Variants in HTT observed in about 807,000 individuals in gnomAD.
HTT encodes the protein huntingtin.
In HTT, 104 loss-of-function variants were observed where a neutral mutation model predicts 362.3. The observed-to-expected ratio is 0.29, with a 90% CI of 0.24 to 0.34. The LOEUF is 0.34. Ranked by LOEUF, HTT falls within the 10% of genes least tolerant of loss-of-function variation. HTT has a pLI of 1.00. For missense variants in HTT, 3,301 were observed against 3,928.6 expected (o/e 0.84, Z 4.27); for synonymous variants, 1,577 against 1,548.7 (o/e 1.02, Z -0.43).
intron 49 of HTT, 75 bp from the exon 50 acceptor site, chr4:3,213,883 A>G: frequency 2.2e-6 from 3 of 1,376,422 alleles, no homozygotes; most frequent in Non-Finnish European, 1.9e-6. Flanking sequence ...GGACGGTTCC[A>G]CAACTGTGAT....
chr4:3,164,704 T>A (rs1209958179), intron 29 of HTT, among the ~76,000 whole-genome samples: 1 of 152,206 alleles, frequency 6.6e-6, no homozygotes, highest in Non-Finnish European at 1.5e-5. Flanking sequence ...TGAACTTTGT[T>A]GATTTAAAGT....
chr4:3,212,773 G>A (rs1720226284), intron 49 of HTT, 64 bp downstream of exon 49: 2 of 1,546,998 alleles, frequency 1.3e-6, no homozygotes, highest in African/African-American at 1.4e-5. Context: ...ACACTGAAGA[G>A]GGTAAAGCAG....
In HTT at chr4:3,240,211, G is replaced by A. The variant is rs1403108523; in HGVS notation, c.*152G>A. On this transcript the variant is annotated 3_prime_UTR_variant, in exon 67 of 67. Coordinates refer to ENST00000355072, the MANE Select transcript of HTT (RefSeq NM_001388492.1). ...CAGGCAACGTGCGTGTCTCTGCCAT[G>A]TGGCAGAAGTGCTCTTTGTGGCAGT... 1 of 643,220 alleles carries A rather than the reference G, an allele frequency of 1.6e-6. No individual in the cohort carries two copies. The highest frequency in any genetic ancestry group is 1.9e-5 in the South Asian group (1 of 52,718). 39.8% of individuals were successfully genotyped at this position (643,220 alleles called of 1,614,324 possible).
At chr4:3,139,307 C>T (rs2110196868) in intron 21 of HTT, among the ~76,000 whole-genome samples, 1 of 152,296 alleles carries the variant, frequency 6.6e-6, no homozygotes, top group Middle Eastern at 3.4e-3. Flanking sequence ...AAGCGATTTT[C>T]CTGCCTCAGC....
chr4:3,233,942 G>A (rs1382675728), intron 61 of HTT, among the ~76,000 whole-genome samples: 1 of 152,238 alleles, frequency 6.6e-6, no homozygotes, highest in African/African-American at 2.4e-5. Flanking sequence ...CTTTAGCAGA[G>A]ATGGGCCCAG....
At chr4:3,188,800 C>T (rs537654349) in intron 39 of HTT, 151 bp from the exon 40 acceptor site, 17 of 681,516 alleles carry the variant, frequency 2.5e-5, no homozygotes, top group South Asian at 1.2e-4. Flanking sequence ...ACTGTGTCCA[C>T]GGCGACGGCG....
At chr4:3,211,837 C>A in intron 47 of HTT, 92 bp from the exon 48 acceptor site, 2 of 911,058 alleles carry the variant, frequency 2.2e-6, no homozygotes, top group Non-Finnish European at 3.5e-6. Context: ...GAAACATTTG[C>A]CTTATTCTTT....
At chr4:3,150,480 A>G (rs1392698498) in intron 26 of HTT, among the ~76,000 whole-genome samples, 2 of 152,074 alleles carry the variant, frequency 1.3e-5, no homozygotes, top group African/African-American at 2.4e-5. Flanking sequence ...ACACTTACAT[A>G]TAGCTGATTT....
At position 3,217,862 on chromosome 4, in the gene HTT, G is replaced by A; in HGVS notation, c.7152G>A (p.Val2384=). ...LALGHKRNSG[V]PAFLTPLLRN... is the part of the protein sequence containing the mutation. ...TGGGTCATAAAAGGAATAGCGGCGTGCCGGCGTTTCTCACGCCATTGCTAA... is the reference window on the plus strand; with the variant it reads ...TGGGTCATAAAAGGAATAGCGGCGTACCGGCGTTTCTCACGCCATTGCTAA... The change falls in exon 52 of 67, where the codon GTG becomes GTA. Residue 2384 remains valine, a synonymous_variant. Transcript: ENST00000355072. 6.2e-7 allele frequency: 1 copy of A among 1,614,162 alleles called. No homozygotes were observed. Among genetic ancestry groups the A allele is most frequent in the South Asian group, 1.1e-5 (1 of 91,076 alleles).
At position 3,136,012 on chromosome 4, in the gene HTT, G is replaced by A. The variant is rs1390283496; in HGVS notation, c.2697+45G>A. On this transcript the variant is annotated intron_variant, in intron 20 of 66. Coordinates refer to ENST00000355072, the MANE Select transcript of HTT (RefSeq NM_001388492.1). ...GAGATGCTGTTTTACCTTCAAGAAG[G>A]TGAAAGTGAGGCTTTCCTTGTGGAA... 2.9e-6 allele frequency: 4 copies of A among 1,364,990 alleles called. No homozygotes were observed. In the East Asian group the frequency reaches 9.4e-5, roughly 32 times the overall value. The allele number at this position is 1,364,990 out of a possible 1,614,324, so 84.6% of individuals were successfully genotyped here. A position where few individuals can be genotyped will look rare whatever the true frequency, so the allele number is the denominator to read the frequency against.
chr4:3,235,346 T>C lies in HTT; in HGVS notation c.8519T>C (p.Ile2840Thr). ...LVMCATAFYL[I>T]ENYPLDVGPE... ...ATGTGTGCCACTGCGTTTTACCTCA[T>C]TGAGAACTATCCTCTGGACGTAGGG... Residue 2840 changes from isoleucine to threonine, a missense_variant, in exon 62 of 67, where the codon ATT becomes ACT. This residue lies in a region of HTT where 753 missense variants were observed against 1,021.3 expected (regional missense o/e 0.74). Transcript: ENST00000355072. 6.2e-7 allele frequency: 1 copy of C among 1,614,034 alleles called. No homozygotes were observed. The highest frequency in any genetic ancestry group is 1.1e-5 in the South Asian group (1 of 91,086).
rs1215569839 is a variant in HTT, at chr4:3,085,286, C to T, written c.264-1653C>T. Among the ~76,000 whole-genome samples, 11 of 152,014 alleles carry T rather than the reference C, an allele frequency of 7.2e-5. No homozygotes were observed. In the South Asian group the frequency reaches 8.3e-4, roughly 11 times the overall value. ...CCGAGTAGCTGGGATTATAGGCGCC[C>T]GCCACCACGCCCAACTATTTTTTGT... On this transcript the variant is annotated intron_variant, in intron 1 of 66. Transcript: ENST00000355072.
intron 3 of HTT, 32 bp from the exon 4 acceptor site, chr4:3,103,792 G>T (rs1560548406): frequency 7.0e-7 from 1 of 1,429,404 alleles, no homozygotes; most frequent in South Asian, 1.2e-5. Flanking sequence ...GATGGGATGT[G>T]TCTTCCATAA....
At chr4:3,210,095 C>T (rs1009852244) in intron 47 of HTT, 146 bp downstream of exon 47, 1 of 994,802 alleles carries the variant, frequency 1.0e-6, no homozygotes, top group Non-Finnish European at 1.5e-6. Context: ...GGAGAGACTC[C>T]ACTCTGAATG....
chr4:3,170,937 C>T (rs1333378789), intron 29 of HTT, among the ~76,000 whole-genome samples: 1 of 152,136 alleles, frequency 6.6e-6, no homozygotes, highest in African/African-American at 2.4e-5. Context: ...GTAGCAGAGC[C>T]CTGGTTCCCT....
intron 1 of HTT, 130 bp downstream of exon 1, chr4:3,075,218 C>T: frequency 1.1e-6 from 1 of 939,546 alleles, no homozygotes; most frequent in Non-Finnish European, 1.4e-6. Flanking sequence ...GACCCAGCAA[C>T]CCAGAGCCCA....
Position 3,074,706 on chromosome 4 carries a change from C to T in HTT, c.-120C>T, listed in dbSNP as rs1305375361. On this transcript the variant is annotated 5_prime_UTR_variant, in exon 1 of 67. In the 5' UTR this introduces an upstream ATG that the reference lacks. Transcript: ENST00000355072. ...GCTGCCGGGACGGGTCCAAGATGGA[C>T]GGCCGCTCAGGTTCTGCTTTTACCT... 8 of 1,086,336 alleles carry T rather than the reference C, an allele frequency of 7.4e-6. No homozygotes were observed. In the South Asian group the frequency reaches 1.1e-4, roughly 14 times the overall value. The allele number at this position is 1,086,336 out of a possible 1,614,324, so 67.3% of individuals were successfully genotyped here. A position where few individuals can be genotyped will look rare whatever the true frequency, so the allele number is the denominator to read the frequency against.
intron 51 of HTT, among the ~76,000 whole-genome samples, chr4:3,217,173 C>T (rs1037414947): frequency 1.3e-5 from 2 of 152,204 alleles, no homozygotes; most frequent in African/African-American, 4.8e-5. Context: ...TACACACTCA[C>T]TGCCTCAACA....
At chr4:3,176,440 G>T (rs1296195344) in intron 33 of HTT, among the ~76,000 whole-genome samples, 1 of 152,148 alleles carries the variant, frequency 6.6e-6, no homozygotes, top group Non-Finnish European at 1.5e-5. Context: ...ATGGGCCATT[G>T]CTCTCCTCAG....
Sources: allele counts gnomAD v4.1 joint callset (sites outside exome capture counted in the v4.1 genomes callset), GRCh38; gene constraint gnomAD v4.1.1; regional missense constraint gnomAD v4.1.1; transcripts MANE v1.5; gene names NCBI Gene and HGNC (gene_info 2026-07-23, HGNC 2026-07-21).